Variants in NRG3 observed in about 807,000 individuals in gnomAD.
The protein encoded by NRG3 is pro-neuregulin-3, membrane-bound isoform.
A neutral mutation model predicts 66.9 loss-of-function variants in NRG3; 31 were observed. The ratio of observed to expected loss-of-function variants is 0.46; its 90% CI spans 0.35 to 0.63. NRG3 has a LOEUF of 0.63. NRG3 is among the 20% of genes least tolerant of loss of function. The pLI is 0.00. For synonymous variants in NRG3, 393 were observed against 359.4 expected (o/e 1.09, Z -1.06); for missense variants, 910 against 878.9 (o/e 1.04, Z -0.45).
chr10:82,152,330 T>C (rs2070815480), intron 1 of NRG3, among the ~76,000 whole-genome samples: 1 of 152,188 alleles, frequency 6.6e-6, no homozygotes, highest in African/African-American at 2.4e-5. Flanking sequence ...ACTAATTTAA[T>C]GTGAAATTTA....
At chr10:82,140,151 T>G (rs760032141) in intron 1 of NRG3, among the ~76,000 whole-genome samples, 1 of 152,168 alleles carries the variant, frequency 6.6e-6, no homozygotes, top group African/African-American at 2.4e-5. Flanking sequence ...TAACTGTTAA[T>G]AGTCAATGCT....
chr10:82,127,262 A>T (rs1055219073), intron 1 of NRG3, among the ~76,000 whole-genome samples: 13 of 152,148 alleles, frequency 8.5e-5, no homozygotes, highest in African/African-American at 3.1e-4. Flanking sequence ...GGAGAGGAAT[A>T]GACCCTGCCT....
At chr10:82,565,620 C>T (rs1369930080) in intron 2 of NRG3, among the ~76,000 whole-genome samples, 3 of 152,052 alleles carry the variant, frequency 2.0e-5, no homozygotes, top group East Asian at 1.9e-4. Context: ...GTTTTTTGAT[C>T]GGCACTACCA....
chr10:82,537,946 G>A lies in NRG3; in HGVS notation c.953+179078G>A, dbSNP rs60829779. On this transcript the variant is annotated intron_variant, in intron 2 of 8. Coordinates refer to ENST00000372141, the MANE Select transcript of NRG3 (RefSeq NM_001010848.4). ...AGCAGTGTTGCTGCCTCAGATTTGG[G>A]CAGGGTTCTCTTGATGTTGGCAGTG... Among the ~76,000 whole-genome samples the A allele has an allele frequency of 3.7e-3, 569 of 152,214 alleles. 4 individuals carry two copies. The highest frequency in any genetic ancestry group is 0.013 in the African/African-American group (551 of 41,528).
At chr10:82,045,664 A>C (rs1589892108) in intron 1 of NRG3, among the ~76,000 whole-genome samples, 1 of 75,456 alleles carries the variant, frequency 1.3e-5, no homozygotes, top group Non-Finnish European at 3.0e-5. Flanking sequence ...CTGAATGGTA[A>C]TGCCTAGGTT....
chr10:82,519,790 A>G (rs1846023730), intron 2 of NRG3, among the ~76,000 whole-genome samples: 1 of 152,176 alleles, frequency 6.6e-6, no homozygotes, highest in African/African-American at 2.4e-5. Context: ...AGATGAGTTG[A>G]AGCTGGACAG....
chr10:82,555,026 C>T (rs1327211908), intron 2 of NRG3, among the ~76,000 whole-genome samples: 16 of 152,126 alleles, frequency 1.1e-4, no homozygotes, highest in Non-Finnish European at 2.4e-4. Flanking sequence ...TTCTAGTCCC[C>T]TAAAAACTCA....
chr10:82,385,091 T>C (rs534102855), intron 2 of NRG3, among the ~76,000 whole-genome samples: 2 of 152,352 alleles, frequency 1.3e-5, no homozygotes, highest in South Asian at 4.1e-4. Flanking sequence ...TTTATTTATG[T>C]TTGTTGGCCA....
intron 3 of NRG3, among the ~76,000 whole-genome samples, chr10:82,820,129 A>G (rs745357328): frequency 3.9e-5 from 6 of 152,206 alleles, no homozygotes; most frequent in Non-Finnish European, 7.3e-5. Context: ...GATAGCAGAG[A>G]AGAGTGGAGT....
chr10:82,018,347 A>G (rs1399891666), intron 1 of NRG3, among the ~76,000 whole-genome samples: 5 of 152,240 alleles, frequency 3.3e-5, no homozygotes, highest in East Asian at 1.9e-4. Flanking sequence ...GCCTTGTAGT[A>G]TAGTTTGAAG....
intron 1 of NRG3, among the ~76,000 whole-genome samples, chr10:82,011,570 A>C (rs549658311): frequency 2.6e-5 from 4 of 152,304 alleles, no homozygotes; most frequent in Non-Finnish European, 5.9e-5. Context: ...GAGACAAGGT[A>C]AGTCCCTTCC....
At chr10:82,104,261 A>C (rs2066931110) in intron 1 of NRG3, among the ~76,000 whole-genome samples, 1 of 152,278 alleles carries the variant, frequency 6.6e-6, no homozygotes, top group African/African-American at 2.4e-5. Context: ...TAGGATATTA[A>C]ACTTATAAAT....
intron 1 of NRG3, among the ~76,000 whole-genome samples, chr10:82,236,807 C>A (rs1435971888): frequency 1.3e-5 from 2 of 151,212 alleles, no homozygotes; most frequent in Non-Finnish European, 2.9e-5. Context: ...GCTCCGCCTC[C>A]CGGGTTCATG....
rs998385602 is a variant in NRG3, at chr10:82,865,342, T to C, written c.1028-69T>C. On this transcript the variant is annotated intron_variant, in intron 3 of 8. Coordinates refer to ENST00000372141, the MANE Select transcript of NRG3 (RefSeq NM_001010848.4). ...TTAGTCTTATGAGCACTGATTTCCA[T>C]GTATAGAGCTTTTTCTAACCTTTTT... 3.0e-5 allele frequency: 46 copies of C among 1,527,740 alleles called. No homozygotes were observed. In the East Asian group the frequency reaches 9.2e-4, roughly 31 times the overall value. 94.6% of individuals were successfully genotyped at this position (1,527,740 alleles called of 1,614,324 possible). A position where few individuals can be genotyped will look rare whatever the true frequency, so the allele number is the denominator to read the frequency against.
chr10:81,941,506 G>A (rs1445147755), intron 1 of NRG3, among the ~76,000 whole-genome samples: 1 of 152,072 alleles, frequency 6.6e-6, no homozygotes, highest in Non-Finnish European at 1.5e-5. Flanking sequence ...TGTATAAAGT[G>A]GTTCTGATCA....
intron 1 of NRG3, among the ~76,000 whole-genome samples, chr10:81,900,842 T>C (rs1843997787): frequency 3.3e-5 from 5 of 152,210 alleles, no homozygotes; most frequent in African/African-American, 1.2e-4. Flanking sequence ...AATACTGGCA[T>C]ATTTTCAGTT....
chr10:82,234,201 T>G (rs375784279), intron 1 of NRG3, among the ~76,000 whole-genome samples: 9 of 152,210 alleles, frequency 5.9e-5, no homozygotes, highest in Non-Finnish European at 1.3e-4. Context: ...TTTTTCACTC[T>G]TCTTTCTCCC....
intron 2 of NRG3, among the ~76,000 whole-genome samples, chr10:82,558,761 T>G (rs1295939912): frequency 6.6e-6 from 1 of 152,156 alleles, no homozygotes; most frequent in Non-Finnish European, 1.5e-5. Context: ...TAACCTCTAC[T>G]ATTCTAGTTA....
intron 4 of NRG3, among the ~76,000 whole-genome samples, chr10:82,945,240 A>T (rs1848908094): frequency 2.0e-5 from 3 of 152,180 alleles, no homozygotes; most frequent in Non-Finnish European, 4.4e-5. Context: ...CAGCACACAA[A>T]TCCAACACAG....
Sources: gnomAD v4.1 joint callset for allele counts (sites outside exome capture counted in the v4.1 genomes callset) on GRCh38, gnomAD v4.1.1 for gene constraint, MANE v1.5 for transcripts, NCBI Gene and HGNC (gene_info 2026-07-23, HGNC 2026-07-21) for gene names.